The following CTNND2 variants were observed in gnomAD, a reference collection of about 807,000 sequenced individuals.
CTNND2 encodes the protein catenin delta-2.
Under a neutral mutation model 144.4 loss-of-function variants are expected in CTNND2, and 22 were observed. The ratio of observed to expected loss-of-function variants is 0.15; its 90% confidence interval spans 0.11 to 0.22. The LOEUF is 0.22. CTNND2 is among the 10% of genes least tolerant of loss of function. The pLI is 1.00. For synonymous variants in CTNND2, 751 were observed against 695.6 expected (o/e 1.08, Z -1.25); for missense variants, 1,353 against 1,618.8 (o/e 0.84, Z 2.82).
At chr5:11,032,811 T>G (rs1234698168) in intron 16 of CTNND2, among the ~76,000 whole-genome samples, 1 of 152,188 alleles carries the variant, frequency 6.6e-6, no homozygotes. Flanking sequence ...AATAACAAAA[T>G]TATAGAGATG....
intron 16 of CTNND2, among the ~76,000 whole-genome samples, chr5:11,053,762 C>T (rs1746078499): frequency 6.6e-6 from 1 of 152,222 alleles, no homozygotes; most frequent in Non-Finnish European, 1.5e-5. Context: ...TTTTATCAAA[C>T]TCTGCACATG....
chr5:11,782,330 T>C (rs1478259434), intron 1 of CTNND2, among the ~76,000 whole-genome samples: 1 of 151,572 alleles, frequency 6.6e-6, no homozygotes, highest in Non-Finnish European at 1.5e-5. Flanking sequence ...ACCAGTGCTC[T>C]ACTGAACACT....
In CTNND2 at chr5:11,384,879, C is replaced by T. The variant is rs1451530006; in HGVS notation, c.963G>A (p.Val321=). The T allele has an allele frequency of 6.2e-7, 1 of 1,611,782 alleles. No individual in the cohort carries two copies. The highest frequency in any genetic ancestry group is 8.5e-7 in the Non-Finnish European group (1 of 1,179,338). Residue 321 remains valine, a synonymous_variant, in exon 7 of 22, where the codon GTG becomes GTA. Coordinates refer to ENST00000304623, the MANE Select transcript of CTNND2 (RefSeq NM_001332.4). This position sits in a 1 kb window ranked among gnomAD's most constrained non-coding sequence, Gnocchi z 5.2. ...GGATCGGGGACAGGCCGGCCGAGGA[C>T]ACGACGATGTTGATGGGCGAGCTGG... is the stretch of plus-strand genomic sequence containing the variant. ...YSTSSPINIV[V]SSAGLSPIRV... is the part of the protein sequence containing the mutation.
At chr5:11,140,162 A>G (rs1756584138) in intron 12 of CTNND2, among the ~76,000 whole-genome samples, 1 of 152,134 alleles carries the variant, frequency 6.6e-6, no homozygotes, top group Non-Finnish European at 1.5e-5. Context: ...CAGGGACATC[A>G]TTGGGGGTCT....
At chr5:11,793,334 C>T (rs139295241) in intron 1 of CTNND2, among the ~76,000 whole-genome samples, 103 of 152,276 alleles carry the variant, frequency 6.8e-4, no homozygotes, top group African/African-American at 2.3e-3. Context: ...ATCCTTGATG[C>T]CTTTCATAAT....
intron 9 of CTNND2, among the ~76,000 whole-genome samples, chr5:11,261,412 CA>C (rs1473501226): frequency 1.3e-5 from 2 of 152,222 alleles, no homozygotes; most frequent in Non-Finnish European, 2.9e-5. Context: ...TAGGATCTGG[CA>C]AGCTACCCAA....
intron 2 of CTNND2, among the ~76,000 whole-genome samples, chr5:11,576,582 T>C (rs933010281): frequency 6.6e-6 from 1 of 152,100 alleles, no homozygotes; most frequent in Non-Finnish European, 1.5e-5. Context: ...CAGTAGATAC[T>C]TGATTTCTAT....
intron 2 of CTNND2, among the ~76,000 whole-genome samples, chr5:11,631,197 T>G (rs1781396050): frequency 6.6e-6 from 1 of 152,208 alleles, no homozygotes; most frequent in South Asian, 2.1e-4. Flanking sequence ...TTTATAAGAC[T>G]ACTTTTCACA....
intron 9 of CTNND2, among the ~76,000 whole-genome samples, chr5:11,259,108 G>T (rs1744582873): frequency 6.6e-6 from 1 of 152,152 alleles, no homozygotes; most frequent in Admixed American, 6.5e-5. Flanking sequence ...TTAATAATAT[G>T]GGTGAGCCTT....
At chr5:11,648,913 TTTAC>T (rs1166843724) in intron 2 of CTNND2, among the ~76,000 whole-genome samples, 11 of 152,368 alleles carry the variant, frequency 7.2e-5, no homozygotes, top group African/African-American at 1.7e-4. Context: ...TTCAGCTCCA[TTTAC>T]TTTATTGTTG....
At chr5:11,439,067 G>A (rs1366123536) in intron 3 of CTNND2, among the ~76,000 whole-genome samples, 6 of 151,908 alleles carry the variant, frequency 3.9e-5, no homozygotes, top group Middle Eastern at 3.2e-3. Flanking sequence ...CGCATTCTCC[G>A]ACATATCAAA....
At chr5:11,553,032 T>C (rs1427933572) in intron 3 of CTNND2, among the ~76,000 whole-genome samples, 1 of 152,236 alleles carries the variant, frequency 6.6e-6, no homozygotes, top group Non-Finnish European at 1.5e-5. Context: ...TAAGCGTGCA[T>C]GATTTGGGCA....
chr5:11,659,591 G>C (rs1783079893), intron 2 of CTNND2, among the ~76,000 whole-genome samples: 1 of 152,082 alleles, frequency 6.6e-6, no homozygotes, highest in Non-Finnish European at 1.5e-5. Flanking sequence ...CATGGAACAA[G>C]GACTCCTGAT....
At chr5:11,492,533 G>A (rs1040294753) in intron 3 of CTNND2, among the ~76,000 whole-genome samples, 1 of 148,172 alleles carries the variant, frequency 6.7e-6, no homozygotes, top group African/African-American at 2.5e-5. Context: ...GTGTGTGTGT[G>A]TGTATGTGTG....
At chr5:11,753,937 G>A (rs1788763559) in intron 1 of CTNND2, among the ~76,000 whole-genome samples, 1 of 150,940 alleles carries the variant, frequency 6.6e-6, no homozygotes, top group South Asian at 2.1e-4. Context: ...ATTTCTTCTA[G>A]GCTTTCTAGT....
chr5:11,326,439 C>T (rs1580913286), intron 9 of CTNND2, among the ~76,000 whole-genome samples: 2 of 152,210 alleles, frequency 1.3e-5, no homozygotes, highest in African/African-American at 4.8e-5. Flanking sequence ...TAGACATTGG[C>T]CAAGTGAGTG....
chr5:11,067,913 CTATA>C (rs1237748365), intron 16 of CTNND2, among the ~76,000 whole-genome samples: 1 of 152,078 alleles, frequency 6.6e-6, no homozygotes, highest in African/African-American at 2.4e-5. Flanking sequence ...CCTACTCTCT[CTATA>C]TATAGTATTT....
chr5:11,185,503 T>C (rs1211082356), intron 11 of CTNND2, among the ~76,000 whole-genome samples: 1 of 152,202 alleles, frequency 6.6e-6, no homozygotes, highest in African/African-American at 2.4e-5. Context: ...AGGCTCCTAT[T>C]TTAGGAAACC....
At chr5:11,442,925 G>T (rs536525080) in intron 3 of CTNND2, among the ~76,000 whole-genome samples, 1 of 144,930 alleles carries the variant, frequency 6.9e-6, no homozygotes, top group South Asian at 2.2e-4. Flanking sequence ...AAATTAATAA[G>T]ATATAATAAA....
Sources: gnomAD v4.1 joint callset for allele counts (sites outside exome capture counted in the v4.1 genomes callset) on GRCh38, gnomAD v4.1.1 for gene constraint, Gnocchi (gnomAD v3.1) non-coding constraint, MANE v1.5 for transcripts, NCBI Gene and HGNC (gene_info 2026-07-23, HGNC 2026-07-21) for gene names.